DDX10: variants seen among roughly 807,000 people sequenced by gnomAD.
The protein encoded by DDX10 is DEAD-box helicase 10.
A neutral mutation model predicts 104.3 loss-of-function variants in DDX10; 74 were observed. The observed-to-expected ratio is 0.71, with a 90% confidence interval of 0.59 to 0.86. The LOEUF (loss-of-function observed/expected upper bound fraction) is 0.86. DDX10 is among the 40% of genes least tolerant of loss of function. DDX10 has a pLI of 0.00. For synonymous variants in DDX10, 351 were observed against 353.4 expected, an observed-to-expected ratio of 0.99 and a Z score of 0.08; for missense variants, 952 against 1,040.0, an observed-to-expected ratio of 0.92 and a Z score of 1.16.
chr11:108,868,798 C>T (rs1565303821), intron 16 of DDX10, among the ~76,000 whole-genome samples: 1 of 151,872 alleles, frequency 6.6e-6, no homozygotes, highest in African/African-American at 2.4e-5. Context: ...ACAATAATAC[C>T]CTATCAGAGC....
intron 16 of DDX10, among the ~76,000 whole-genome samples, chr11:108,896,939 A>C (rs1245407013): frequency 2.0e-5 from 3 of 152,082 alleles, no homozygotes; most frequent in African/African-American, 7.2e-5. Context: ...TTTTTAAGAA[A>C]AAAATGATAA....
intron 13 of DDX10, among the ~76,000 whole-genome samples, chr11:108,802,010 GGTGTGTGTGT>G (rs111450290): frequency 7.0e-6 from 1 of 141,944 alleles, no homozygotes; most frequent in Non-Finnish European, 1.6e-5. Context: ...AAGTGAGTGG[GGTGTGTGTGT>G]GTGTGTGTGT....
chr11:108,778,197 A>G (rs185342027), intron 13 of DDX10, among the ~76,000 whole-genome samples: 1 of 152,324 alleles, frequency 6.6e-6, no homozygotes, highest in Non-Finnish European at 1.5e-5. Flanking sequence ...AAACTACTTT[A>G]AAGTTCATAT....
chr11:108,894,422 G>A (rs1167008387), intron 16 of DDX10, among the ~76,000 whole-genome samples: 3 of 152,004 alleles, frequency 2.0e-5, no homozygotes, highest in Non-Finnish European at 4.4e-5. Context: ...TTTAAAGTGA[G>A]TTATCAGTCT....
intron 13 of DDX10, among the ~76,000 whole-genome samples, chr11:108,813,177 A>G (rs1032601816): frequency 2.0e-5 from 3 of 152,174 alleles, no homozygotes; most frequent in Non-Finnish European, 4.4e-5. Context: ...CCTAGAAGTG[A>G]AATAACTAAG....
intron 13 of DDX10, among the ~76,000 whole-genome samples, chr11:108,747,749 T>A (rs1215634253): frequency 6.6e-6 from 1 of 152,164 alleles, no homozygotes; most frequent in African/African-American, 2.4e-5. Context: ...CCAACATAGT[T>A]ACTGGAATAG....
intron 16 of DDX10, among the ~76,000 whole-genome samples, chr11:108,908,135 G>C (rs762064971): frequency 1.2e-4 from 18 of 152,092 alleles, no homozygotes; most frequent in Non-Finnish European, 2.4e-4. Flanking sequence ...AAATAATTTA[G>C]TGCCTAGGAT....
chr11:108,845,756 AT>A (rs201923134), intron 15 of DDX10, among the ~76,000 whole-genome samples: 1 of 151,902 alleles, frequency 6.6e-6, no homozygotes, highest in East Asian at 1.9e-4. Context: ...AAGCCTTGGC[AT>A]TTTTTTTCAG....
chr11:108,861,503 A>G (rs969193992), intron 16 of DDX10, among the ~76,000 whole-genome samples: 1 of 152,204 alleles, frequency 6.6e-6, no homozygotes, highest in African/African-American at 2.4e-5. Flanking sequence ...ATAATGGGCA[A>G]ATTTTGAAAA....
intron 13 of DDX10, among the ~76,000 whole-genome samples, chr11:108,782,841 A>G (rs1476341302): frequency 6.6e-6 from 1 of 152,174 alleles, no homozygotes; most frequent in South Asian, 2.1e-4. Flanking sequence ...CAGAGAGACC[A>G]AATCACGAAA....
At chr11:108,861,312 A>G (rs1275359021) in intron 16 of DDX10, among the ~76,000 whole-genome samples, 2 of 152,022 alleles carry the variant, frequency 1.3e-5, no homozygotes, top group East Asian at 3.9e-4. Context: ...TTAAAGTCTC[A>G]CATTTGCTGT....
At chr11:108,862,746 A>G (rs922299010) in intron 16 of DDX10, among the ~76,000 whole-genome samples, 30 of 152,184 alleles carry the variant, frequency 2.0e-4, no homozygotes, top group Non-Finnish European at 5.9e-5. Flanking sequence ...TTTAGTTTCT[A>G]CTATAAACTT....
chr11:108,788,766 G>C (rs960239747), intron 13 of DDX10, among the ~76,000 whole-genome samples: 1 of 152,192 alleles, frequency 6.6e-6, no homozygotes, highest in African/African-American at 2.4e-5. Context: ...TCAGAATGTT[G>C]GTCAGCAGAT....
At chr11:108,902,626 G>T (rs79917796) in intron 16 of DDX10, among the ~76,000 whole-genome samples, 2,348 of 152,090 alleles carry the variant, frequency 0.015, 58 homozygotes, top group African/African-American at 0.053. Context: ...TATTCACTTT[G>T]TTAACTTTAA....
chr11:108,734,878 C>G (rs904321670), intron 13 of DDX10, among the ~76,000 whole-genome samples: 1 of 152,146 alleles, frequency 6.6e-6, no homozygotes, highest in Non-Finnish European at 1.5e-5. Flanking sequence ...TTATATGGCT[C>G]TAACAAATAT....
At chr11:108,808,549 G>A (rs1319000829) in intron 13 of DDX10, among the ~76,000 whole-genome samples, 4 of 152,102 alleles carry the variant, frequency 2.6e-5, no homozygotes, top group African/African-American at 4.8e-5. Context: ...ATTTCCTGTC[G>A]TGGGAGTATG....
At position 108,665,329 on chromosome 11, in the gene DDX10, A is replaced by G; in HGVS notation, c.176A>G (p.Asn59Ser). 6.3e-7 allele frequency: 1 copy of G among 1,588,726 alleles called. No homozygotes were observed. Among genetic ancestry groups the G allele is most frequent in the Non-Finnish European group, 8.6e-7 (1 of 1,168,840 alleles). The change falls in exon 1 of 18, where the codon AAC (asparagine) becomes AGC (serine). Residue 59 changes from asparagine to serine, a missense_variant. Asn to Ser is a conservative substitution (Grantham distance 46, BLOSUM62 1). Around this residue, in one of 3 missense-constraint regions of DDX10, gnomAD observed 412 missense variants for 479.2 expected, o/e 0.86. Transcript: ENST00000322536. ...ERESISRLMQ[N>S]YEKINVNEIT... ...GAGAGTATCAGCCGCCTCATGCAGAACTATGAAAAGGTGAGGCCGGCGCTG... is the reference window on the plus strand; with the variant it reads ...GAGAGTATCAGCCGCCTCATGCAGAGCTATGAAAAGGTGAGGCCGGCGCTG...
At chr11:108,888,580 C>G (rs987489624) in intron 16 of DDX10, among the ~76,000 whole-genome samples, 11 of 152,232 alleles carry the variant, frequency 7.2e-5, no homozygotes, top group Admixed American at 7.2e-4. Flanking sequence ...ACACAGACTC[C>G]TGAAAGACTG....
At chr11:108,875,846 G>A (rs538777376) in intron 16 of DDX10, among the ~76,000 whole-genome samples, 23 of 152,102 alleles carry the variant, frequency 1.5e-4, no homozygotes, top group Non-Finnish European at 3.2e-4. Context: ...GGTTGGAAAG[G>A]CCAAATAATG....
Sources: allele counts gnomAD v4.1 joint callset (sites outside exome capture counted in the v4.1 genomes callset), GRCh38; gene constraint gnomAD v4.1.1; regional missense constraint gnomAD v4.1.1; transcripts MANE v1.5; gene names NCBI Gene and HGNC (gene_info 2026-07-23, HGNC 2026-07-21).